The following CORO2B variants were observed in gnomAD, a reference collection of about 807,000 sequenced individuals.
The protein encoded by CORO2B is coronin-2B.
Under a neutral mutation model 58.8 loss-of-function variants are expected in CORO2B, and 26 were observed. The ratio of observed to expected loss-of-function variants is 0.44; its 90% confidence interval spans 0.32 to 0.61. CORO2B has a LOEUF of 0.61. Among genes scored for constraint, CORO2B ranks in the 20% least tolerant of loss-of-function variants. The probability of loss-of-function intolerance (pLI) is 0.04; values close to 1 mark genes in which losing one functional copy is unlikely to be tolerated. For synonymous variants in CORO2B, 242 were observed against 253.8 expected (o/e 0.95, Z 0.44); for missense variants, 460 against 645.1 (o/e 0.71, Z 3.11).
At chr15:68,722,157 C>T (rs1893177631) in intron 11 of CORO2B, among the ~76,000 whole-genome samples, 3 of 152,190 alleles carry the variant, frequency 2.0e-5, no homozygotes, top group Admixed American at 2.0e-4. Flanking sequence ...AGTTCTGGCA[C>T]TGGGTCTGGA....
chr15:68,548,189 A>ATATATGTGTG, the CORO2B span, among the ~76,000 whole-genome samples: 6 of 145,146 alleles, frequency 4.1e-5, no homozygotes, highest in Admixed American at 1.4e-4. Context: ...ATATATATAT[A>ATATATGTGTG]TGTGTGTGTG....
rs1901395517 is a variant in CORO2B, at chr15:68,645,495, A to G, written c.216+135A>G. 8.7e-6 allele frequency: 7 copies of G among 801,342 alleles called. No individual in the cohort carries two copies. The highest frequency in any genetic ancestry group is 1.7e-5 in the African/African-American group (1 of 57,618). 49.6% of individuals were successfully genotyped at this position (801,342 alleles called of 1,614,324 possible). On this transcript the variant is annotated intron_variant, in intron 2 of 11. Coordinates refer to ENST00000261861, the MANE Select transcript of CORO2B (RefSeq NM_006091.5). The surrounding 1 kb of genome is among the most constrained non-coding windows in gnomAD (Gnocchi z 4.5). The stretch of plus-strand genomic sequence containing the variant: ...CTTCCTCATCAAGCATCTAGTGGCT[A>G]TGCCTTCTTTAGGGTTTTCCTGAGA...
intron 2 of CORO2B, among the ~76,000 whole-genome samples, chr15:68,691,267 T>C (rs1276538414): frequency 6.8e-6 from 1 of 146,916 alleles, no homozygotes; most frequent in African/African-American, 2.5e-5. Context: ...GGGGCAGAGC[T>C]TGCAGTGAGC....
rs1892885479 is a variant in CORO2B at position 68,710,407 on chromosome 15, C to T, written c.334-325C>T. Reference sequence around the variant, plus strand: ...TGAAGCAAGGATAGGCTTTTTAACACAACATTTGCTAAAAGGGGCTCATGC... The same window carrying T: ...TGAAGCAAGGATAGGCTTTTTAACATAACATTTGCTAAAAGGGGCTCATGC... On this transcript the variant is annotated intron_variant, in intron 3 of 11. Coordinates refer to ENST00000261861, the MANE Select transcript of CORO2B (RefSeq NM_006091.5). This position sits in a 1 kb window ranked among gnomAD's most constrained non-coding sequence, Gnocchi z 4.1. Among the ~76,000 whole-genome samples the T allele has an allele frequency of 6.6e-6, 1 of 152,258 alleles. No individual in the cohort carries two copies. Among genetic ancestry groups the T allele is most frequent in the Non-Finnish European group, 1.5e-5 (1 of 68,050 alleles).
intron 2 of CORO2B, among the ~76,000 whole-genome samples, chr15:68,678,165 A>G (rs1436033859): frequency 6.6e-6 from 1 of 152,178 alleles, no homozygotes; most frequent in Non-Finnish European, 1.5e-5. Context: ...TGTTCCTACA[A>G]CACTGGCGGG....
chr15:68,718,348 G>A (rs112081095), intron 8 of CORO2B, among the ~76,000 whole-genome samples: 524 of 152,308 alleles, frequency 3.4e-3, no homozygotes, highest in Non-Finnish European at 5.5e-3. Context: ...CCCCTGCTGT[G>A]CTCTGTGACC....
At chr15:68,641,022 G>A (rs749040790) in intron 1 of CORO2B, among the ~76,000 whole-genome samples, 3 of 152,142 alleles carry the variant, frequency 2.0e-5, no homozygotes, top group Non-Finnish European at 2.9e-5. Flanking sequence ...TGGAGCCATC[G>A]ATCAACAGCA....
At chr15:68,678,871 G>T (rs1902676228) in intron 2 of CORO2B, among the ~76,000 whole-genome samples, 1 of 152,190 alleles carries the variant, frequency 6.6e-6, no homozygotes, top group African/African-American at 2.4e-5. Flanking sequence ...AGTAGAAAAT[G>T]TAGCCCCAGG....
At chr15:68,597,344 A>G (rs1899857622) in intron 1 of CORO2B, among the ~76,000 whole-genome samples, 1 of 152,284 alleles carries the variant, frequency 6.6e-6, no homozygotes, top group Non-Finnish European at 1.5e-5. Context: ...AGCGCTTACC[A>G]TGTTCCAGGG....
the CORO2B span, among the ~76,000 whole-genome samples, chr15:68,533,714 C>T: frequency 6.6e-6 from 1 of 152,194 alleles, no homozygotes; most frequent in Non-Finnish European, 1.5e-5. Flanking sequence ...GTGTCTTAAA[C>T]ATTTTCAAAG....
the CORO2B span, among the ~76,000 whole-genome samples, chr15:68,569,610 G>A: frequency 6.6e-6 from 1 of 152,218 alleles, no homozygotes; most frequent in African/African-American, 2.4e-5. Flanking sequence ...CTGTGTGCTG[G>A]TTTTCGTGTG....
intron 1 of CORO2B, among the ~76,000 whole-genome samples, chr15:68,636,696 A>G (rs1480552424): frequency 2.6e-5 from 4 of 152,246 alleles, no homozygotes; most frequent in African/African-American, 7.2e-5. Flanking sequence ...ACTCCAGATC[A>G]TGGCCTTCCT....
Position 68,725,911 on chromosome 15 carries a change from C to T in CORO2B, c.1380C>T (p.Asp460=), listed in dbSNP as rs1893286073. The change falls in exon 12 of 12, where the codon GAC becomes GAT. Residue 460 remains aspartate, a synonymous_variant. Transcript: ENST00000261861. ...TGAAAGAGGAGCTGGCCCAGAAGGACATCCGCATTCGGCAGCTCCAGCTGG... is the reference window on the plus strand; with the variant it reads ...TGAAAGAGGAGCTGGCCCAGAAGGATATCCGCATTCGGCAGCTCCAGCTGG... ...RRLKEELAQK[D]IRIRQLQLEL... The T allele has an allele frequency of 1.2e-6, 2 of 1,614,094 alleles. No homozygotes were observed. Among genetic ancestry groups the T allele is most frequent in the Non-Finnish European group, 1.7e-6 (2 of 1,180,024 alleles).
chr15:68,689,997 A>C (rs185442384), intron 2 of CORO2B, among the ~76,000 whole-genome samples: 1 of 152,228 alleles, frequency 6.6e-6, no homozygotes, highest in Non-Finnish European at 1.5e-5. Context: ...CATTGAGTAA[A>C]CTTGCAATTA....
chr15:68,638,600 G>A (rs529317035), intron 1 of CORO2B, among the ~76,000 whole-genome samples: 2 of 152,312 alleles, frequency 1.3e-5, no homozygotes, highest in South Asian at 2.1e-4. Context: ...CTGGGGAGGG[G>A]TAAGAGTTGA....
intron 2 of CORO2B, among the ~76,000 whole-genome samples, chr15:68,682,966 T>C (rs1474895759): frequency 6.6e-6 from 1 of 152,214 alleles, no homozygotes. Flanking sequence ...CCCTCCTCGT[T>C]CCTTGGGCCA....
At chr15:68,639,150 C>G (rs1158854263) in intron 1 of CORO2B, among the ~76,000 whole-genome samples, 3 of 152,162 alleles carry the variant, frequency 2.0e-5, no homozygotes, top group Non-Finnish European at 4.4e-5. Flanking sequence ...AAGTCACAGC[C>G]TTGGGGTGAG....
intron 3 of CORO2B, 27 bp downstream of exon 3, chr15:68,695,283 G>A (rs1407956786): frequency 6.3e-7 from 1 of 1,577,034 alleles, no homozygotes; most frequent in South Asian, 1.1e-5. Flanking sequence ...TCCCGGAGGA[G>A]GGTGGGCTCA....
intron 2 of CORO2B, among the ~76,000 whole-genome samples, chr15:68,668,551 A>G (rs577030700): frequency 1.3e-5 from 2 of 152,256 alleles, no homozygotes; most frequent in Admixed American, 6.5e-5. Flanking sequence ...AGTAAAGAGC[A>G]TGCGGAAGAG....
Sources: allele counts gnomAD v4.1 joint callset (sites outside exome capture counted in the v4.1 genomes callset), GRCh38; gene constraint gnomAD v4.1.1; non-coding constraint Gnocchi (gnomAD v3.1); transcripts MANE v1.5; gene names NCBI Gene and HGNC (gene_info 2026-07-23, HGNC 2026-07-21).